SAMD5: variants seen among roughly 807,000 people sequenced by gnomAD.
SAMD5 encodes sterile alpha motif domain containing 5, also known as sterile alpha motif domain-containing protein 5.
In SAMD5, 13 loss-of-function variants were observed where a neutral mutation model predicts 11.3. That is an observed-to-expected ratio of 1.15 (90% CI 0.75 to 1.83). SAMD5 has a LOEUF of 1.83. Among genes scored for constraint, SAMD5 ranks in the 40% most tolerant of loss-of-function variants. The probability of loss-of-function intolerance (pLI) is 0.00; values close to 1 mark genes in which losing one functional copy is unlikely to be tolerated. For missense variants in SAMD5, 255 were observed against 239.1 expected (o/e 1.07, Z -0.44); for synonymous variants, 129 against 111.3 (o/e 1.16, Z -1.00).
At chr6:147,643,452 T>C (rs1224067577) in intron 1 of SAMD5, among the ~76,000 whole-genome samples, 1 of 152,166 alleles carries the variant, frequency 6.6e-6, no homozygotes, top group Non-Finnish European at 1.5e-5. Flanking sequence ...TATTCCTTCA[T>C]TTGACTTTGA....
At chr6:147,854,804 T>TA in the SAMD5 span, among the ~76,000 whole-genome samples, 3 of 152,132 alleles carry the variant, frequency 2.0e-5, no homozygotes, top group African/African-American at 7.2e-5. Flanking sequence ...AGTGTCCTTT[T>TA]AAAAAAATCT....
At chr6:147,793,751 T>C in the SAMD5 span, among the ~76,000 whole-genome samples, 1 of 152,214 alleles carries the variant, frequency 6.6e-6, no homozygotes, top group African/African-American at 2.4e-5. Flanking sequence ...TCTGTGGATC[T>C]ACATTCAGCC....
At chr6:147,757,799 T>G in the SAMD5 span, among the ~76,000 whole-genome samples, 2 of 152,210 alleles carry the variant, frequency 1.3e-5, no homozygotes, top group South Asian at 4.1e-4. Flanking sequence ...CTTAATTTTT[T>G]TGGTCAAATA....
chr6:147,632,551 A>G (rs1790167029), intron 1 of SAMD5, among the ~76,000 whole-genome samples: 1 of 152,174 alleles, frequency 6.6e-6, no homozygotes, highest in South Asian at 2.1e-4. Context: ...GAGGGCCTCT[A>G]AAAGTATTAA....
chr6:147,884,302 G>A, the SAMD5 span, among the ~76,000 whole-genome samples: 297 of 152,228 alleles, frequency 2.0e-3, no homozygotes, highest in African/African-American at 6.7e-3. Flanking sequence ...CGTGTAATAC[G>A]TTTCCTTTGC....
intron 1 of SAMD5, among the ~76,000 whole-genome samples, chr6:147,621,250 G>A (rs897645055): frequency 6.6e-6 from 1 of 152,142 alleles, no homozygotes. Context: ...AATTTTAGAA[G>A]TATGAAATAA....
the SAMD5 span, among the ~76,000 whole-genome samples, chr6:147,900,147 T>C: frequency 6.6e-6 from 1 of 152,146 alleles, no homozygotes; most frequent in African/African-American, 2.4e-5. Flanking sequence ...ACCAGCACAG[T>C]TCTGTACTAG....
chr6:147,754,478 T>A, the SAMD5 span, among the ~76,000 whole-genome samples: 89 of 151,984 alleles, frequency 5.9e-4, no homozygotes, highest in African/African-American at 2.0e-3. Context: ...GTCAGATGGG[T>A]AGTTTGAAAA....
intron 1 of SAMD5, among the ~76,000 whole-genome samples, chr6:147,693,730 C>A (rs1054886205): frequency 1.3e-5 from 2 of 152,132 alleles, no homozygotes; most frequent in Non-Finnish European, 2.9e-5. Flanking sequence ...CTTTGGGAGG[C>A]CAAGGTAGGC....
chr6:147,923,144 C>T, the SAMD5 span, among the ~76,000 whole-genome samples: 609 of 152,182 alleles, frequency 4.0e-3, 3 homozygotes, highest in African/African-American at 0.014. Flanking sequence ...TGGGGCCCAC[C>T]GGTGTTGAAA....
At chr6:147,522,227 T>A (rs1788265930) in intron 1 of SAMD5, among the ~76,000 whole-genome samples, 1 of 152,182 alleles carries the variant, frequency 6.6e-6, no homozygotes, top group African/African-American at 2.4e-5. Context: ...ATAGCCATGT[T>A]AAATAATAAT....
chr6:147,882,452 C>T, the SAMD5 span, among the ~76,000 whole-genome samples: 105 of 152,256 alleles, frequency 6.9e-4, no homozygotes, highest in Middle Eastern at 3.4e-3. Context: ...TGGTGATGCA[C>T]ACCTGTAGTC....
the SAMD5 span, among the ~76,000 whole-genome samples, chr6:147,760,966 C>T: frequency 4.0e-3 from 605 of 152,308 alleles, 6 homozygotes; most frequent in South Asian, 0.015. Flanking sequence ...ACAACAATAA[C>T]ATTCATCCTA....
the SAMD5 span, among the ~76,000 whole-genome samples, chr6:147,749,450 G>A: frequency 2.0e-5 from 3 of 152,200 alleles, no homozygotes; most frequent in Admixed American, 2.0e-4. Context: ...TTACAGGTGT[G>A]AGCCGCTGTG....
chr6:147,856,830 G>T, the SAMD5 span, among the ~76,000 whole-genome samples: 1 of 145,224 alleles, frequency 6.9e-6, no homozygotes, highest in African/African-American at 2.7e-5. Context: ...GCGGGGGGGG[G>T]GGGAAGCTTG....
the SAMD5 span, among the ~76,000 whole-genome samples, chr6:147,766,834 T>C: frequency 2.0e-5 from 3 of 152,100 alleles, no homozygotes; most frequent in Admixed American, 2.0e-4. Context: ...AATTATGAAA[T>C]AGCCAAATAG....
At chr6:147,767,793 TG>T in the SAMD5 span, among the ~76,000 whole-genome samples, 1 of 152,188 alleles carries the variant, frequency 6.6e-6, no homozygotes, top group Non-Finnish European at 1.5e-5. Context: ...TGCTAATGCA[TG>T]AGGGGTCATA....
chr6:147,550,360 T>C (rs1583078330), intron 1 of SAMD5, among the ~76,000 whole-genome samples: 1 of 152,030 alleles, frequency 6.6e-6, no homozygotes, highest in Non-Finnish European at 1.5e-5. Context: ...TCTTAAATAA[T>C]TAAAAATAGA....
rs1788033337 is a variant in SAMD5, at chr6:147,508,875, C to T, written c.-54C>T. The T allele has an allele frequency of 2.5e-6, 4 of 1,575,910 alleles. No homozygotes were observed. In the African/African-American group the frequency reaches 4.1e-5, roughly 16 times the overall value. On this transcript the variant is annotated 5_prime_UTR_variant, in exon 1 of 2. Transcript: ENST00000367474. ...TAAAAGTTCCAAGAACTGGTGCCGC[C>T]CGTGCCATTTGGGCGCTGGGAAGGT...
Sources: allele counts gnomAD v4.1 joint callset (sites outside exome capture counted in the v4.1 genomes callset), GRCh38; gene constraint gnomAD v4.1.1; transcripts MANE v1.5; gene names NCBI Gene and HGNC (gene_info 2026-07-23, HGNC 2026-07-21).